The following CFAP99 variants were observed in gnomAD, a reference collection of about 807,000 sequenced individuals.
The protein encoded by CFAP99 is cilia and flagella associated protein 99.
In CFAP99, 84 loss-of-function variants were observed where a neutral mutation model predicts 82.7. The observed-to-expected ratio is 1.02, with a 90% confidence interval of 0.85 to 1.22. CFAP99 has a LOEUF of 1.22. Ranked by LOEUF, CFAP99 falls within the 50% of genes most tolerant of loss-of-function variation. The probability of loss-of-function intolerance (pLI) is 0.00; values close to 1 mark genes in which losing one functional copy is unlikely to be tolerated. For missense variants in CFAP99, 1,059 were observed against 983.5 expected (o/e 1.08, Z -1.03); for synonymous variants, 456 against 429.5 (o/e 1.06, Z -0.76).
chr4:2,430,587 G>A (rs1296571277), intron 2 of CFAP99, among the ~76,000 whole-genome samples: 2 of 151,980 alleles, frequency 1.3e-5, no homozygotes, highest in Admixed American at 6.5e-5. Context: ...GGCAGACTCC[G>A]GACAGCAGAC....
chr4:2,427,552 G>C (rs1428305352), intron 2 of CFAP99: 1 of 152,360 alleles, frequency 6.6e-6, no homozygotes, highest in Non-Finnish European at 1.5e-5. Flanking sequence ...GCTAATTCAG[G>C]CTGCCTGCCT....
chr4:2,439,972 T>A (rs1374172608), intron 4 of CFAP99, among the ~76,000 whole-genome samples: 1 of 151,810 alleles, frequency 6.6e-6, no homozygotes, highest in East Asian at 1.9e-4. Context: ...GCCTCCCAAG[T>A]AGCTGGGATT....
chr4:2,457,405 C>T (rs562454638), intron 11 of CFAP99, among the ~76,000 whole-genome samples: 29 of 152,168 alleles, frequency 1.9e-4, no homozygotes, highest in African/African-American at 6.5e-4. Context: ...GGACTTGGTG[C>T]GAGCTCAGCG....
At chr4:2,431,357 A>C (rs967467492) in intron 2 of CFAP99, among the ~76,000 whole-genome samples, 4 of 138,902 alleles carry the variant, frequency 2.9e-5, no homozygotes, top group Non-Finnish European at 4.6e-5. Context: ...CGACAGAGCA[A>C]GACTCTGTCT....
intron 4 of CFAP99, among the ~76,000 whole-genome samples, chr4:2,438,372 C>T (rs1300732216): frequency 6.6e-6 from 1 of 152,176 alleles, no homozygotes; most frequent in Non-Finnish European, 1.5e-5. Flanking sequence ...ATACCATTCT[C>T]CTGCCTCAGC....
At chr4:2,444,385 A>G (rs192879715) in intron 5 of CFAP99, among the ~76,000 whole-genome samples, 230 of 152,256 alleles carry the variant, frequency 1.5e-3, no homozygotes, top group African/African-American at 5.3e-3. Flanking sequence ...AGTTGGGAGC[A>G]CTGGGGCCTG....
At chr4:2,459,757 C>G (rs533194374) in intron 13 of CFAP99, among the ~76,000 whole-genome samples, 26 of 152,210 alleles carry the variant, frequency 1.7e-4, no homozygotes, top group Admixed American at 3.9e-4. Flanking sequence ...GCTGTCTGCC[C>G]CAGGCCCCGA....
chr4:2,437,097 G>A (rs1461611567), intron 3 of CFAP99, 79 bp downstream of exon 3: 3 of 1,498,064 alleles, frequency 2.0e-6, no homozygotes, highest in African/African-American at 2.8e-5. Context: ...CTGGCAGGCA[G>A]GCAGCGGGCA....
At chr4:2,432,524 C>G (rs1478319876) in intron 2 of CFAP99, among the ~76,000 whole-genome samples, 1 of 152,162 alleles carries the variant, frequency 6.6e-6, no homozygotes. Context: ...GTATTGGTGA[C>G]ATGAATCACA....
At chr4:2,436,996 G>T in exon 3 of CFAP99, 1 of 1,536,086 alleles carries the variant, frequency 6.5e-7, no homozygotes. Context: ...TCTGCCTGCG[G>T]GTTGACCACA....
At chr4:2,450,697 A>C (rs1734281007) in intron 8 of CFAP99, among the ~76,000 whole-genome samples, 1 of 152,156 alleles carries the variant, frequency 6.6e-6, no homozygotes. Context: ...ACTGGGAAGC[A>C]CTGTTCCCAG....
exon 4 of CFAP99, chr4:2,438,128 C>T (rs1036437503): frequency 1.3e-6 from 2 of 1,535,516 alleles, no homozygotes; most frequent in Non-Finnish European, 8.7e-7. Context: ...TATTCTGTAA[C>T]ATCATCAAGT....
intron 1 of CFAP99, among the ~76,000 whole-genome samples, chr4:2,423,907 CGG>C (rs1733633027): frequency 6.6e-6 from 1 of 152,146 alleles, no homozygotes; most frequent in South Asian, 2.1e-4. Flanking sequence ...GGGACCCAGC[CGG>C]GGCCCAGGGC....
Position 2,462,807 on chromosome 4 carries a change from C to A in CFAP99, c.2026C>A (p.Gln676Lys). 7.6e-7 allele frequency: 1 copy of A among 1,314,222 alleles called. No homozygotes were observed. The highest frequency in any genetic ancestry group is 2.1e-5 in the South Asian group (1 of 48,022). 81.4% of individuals were successfully genotyped at this position (1,314,222 alleles called of 1,614,324 possible). Reference sequence around the variant, plus strand: ...CCGCGCCGACGCGTTCCCCGGCCTGCAGGCGCAGCTAGAGGCGCAGCACTG... The same window carrying A: ...CCGCGCCGACGCGTTCCCCGGCCTGAAGGCGCAGCTAGAGGCGCAGCACTG... The change falls in exon 15 of 15, where the codon CAG becomes AAG. Residue 676 changes from glutamine to lysine, a missense_variant. Transcript: ENST00000635017. The surrounding 1 kb of genome is among the most constrained non-coding windows in gnomAD (Gnocchi z 4.1).
At chr4:2,456,634 C>G (rs951490017) in intron 11 of CFAP99, among the ~76,000 whole-genome samples, 1 of 152,198 alleles carries the variant, frequency 6.6e-6, no homozygotes, top group African/African-American at 2.4e-5. Flanking sequence ...ATTCTACTGC[C>G]TCAGCCTCCT....
intron 11 of CFAP99, among the ~76,000 whole-genome samples, chr4:2,455,536 A>C (rs771852163): frequency 6.6e-6 from 1 of 152,190 alleles, no homozygotes; most frequent in Admixed American, 6.5e-5. Context: ...CAAACAAACA[A>C]AAATTAGCTG....
rs536505414 is a variant in CFAP99, at chr4:2,454,396, C to G, written c.1161+2050C>G. 2.6e-5 allele frequency among the ~76,000 whole-genome samples: 4 copies of G among 152,148 alleles called. No individual in the cohort carries two copies. In the East Asian group the frequency reaches 7.8e-4, roughly 29 times the overall value. The stretch of plus-strand genomic sequence containing the variant: ...AAGTGATCCACCTGTCTCAGCCTCC[C>G]AAAGTGCTGGGATTACAGGTGGAAG... On this transcript the variant is annotated intron_variant, in intron 11 of 14. Coordinates refer to ENST00000635017, the Ensembl canonical transcript of CFAP99.
rs982805640 is a variant in CFAP99, at chr4:2,451,171, G to A, written c.868-93G>A. ...GGGGATAGGGAAGCACCTGGGCAGG[G>A]GGCAGGTGTGACGGGCATGAGGGCA... On this transcript the variant is annotated intron_variant, in intron 9 of 14. Coordinates refer to ENST00000635017, the Ensembl canonical transcript of CFAP99. 1.2e-5 allele frequency: 17 copies of A among 1,473,076 alleles called. No individual in the cohort carries two copies. The South Asian group carries it at 1.6e-4, about 14-fold the overall frequency. 91.3% of individuals were successfully genotyped at this position (1,473,076 alleles called of 1,614,324 possible). A position where few individuals can be genotyped will look rare whatever the true frequency, so the allele number is the denominator to read the frequency against.
At chr4:2,432,579 A>C (rs909680823) in intron 2 of CFAP99, among the ~76,000 whole-genome samples, 1 of 151,778 alleles carries the variant, frequency 6.6e-6, no homozygotes, top group Admixed American at 6.6e-5. Context: ...CCCTCCCCCA[A>C]CCTGCCCCGG....
Sources: gnomAD v4.1 joint callset for allele counts (sites outside exome capture counted in the v4.1 genomes callset) on GRCh38, gnomAD v4.1.1 for gene constraint, Gnocchi (gnomAD v3.1) non-coding constraint, MANE v1.5 for transcripts, NCBI Gene and HGNC (gene_info 2026-07-23, HGNC 2026-07-21) for gene names.